TARS2: variants seen among roughly 807,000 people sequenced by gnomAD.
TARS2 encodes the protein threonyl-tRNA synthetase 2, mitochondrial.
TARS2 carries 61 observed loss-of-function variants against 94.4 expected under a neutral mutation model. The observed-to-expected ratio is 0.65, with a 90% CI of 0.53 to 0.80. The LOEUF is 0.80. Among genes scored for constraint, TARS2 ranks in the 30% least tolerant of loss-of-function variants. TARS2 has a pLI of 0.00. For synonymous variants in TARS2, 359 were observed against 353.4 expected (o/e 1.02, Z -0.18); for missense variants, 704 against 902.5 (o/e 0.78, Z 2.82).
rs187732052 is a variant in TARS2, at chr1:150,490,877, G to T, written c.512+152G>T. 271 of 1,195,932 alleles carry T rather than the reference G, an allele frequency of 2.3e-4. No individual in the cohort carries two copies. The African/African-American group carries it at 3.6e-3, about 16-fold the overall frequency. The allele number at this position is 1,195,932 out of a possible 1,614,324, so 74.1% of individuals were successfully genotyped here. On this transcript the variant is annotated intron_variant, in intron 4 of 17. Coordinates refer to ENST00000369064, the MANE Select transcript of TARS2 (RefSeq NM_025150.5). The stretch of plus-strand genomic sequence containing the variant: ...GACATTAGTATCTCCTTCTGTGCTA[G>T]TCCATGTCCCTCTTCTAACTTTGCT...
Position 150,499,365 on chromosome 1 carries a change from A to G in TARS2, c.1617+72A>G. On this transcript the variant is annotated intron_variant, in intron 13 of 17. Transcript: ENST00000369064. ...TTGTTTTAGTAAATATTTAATAGAT[A>G]CAAAGAATTTTTTTTTTTGAGACAG... 3 of 1,461,026 alleles carry G rather than the reference A, an allele frequency of 2.1e-6. No homozygotes were observed. The East Asian group carries it at 7.0e-5, about 34-fold the overall frequency. 90.5% of individuals were successfully genotyped at this position (1,461,026 alleles called of 1,614,324 possible). A position where few individuals can be genotyped will look rare whatever the true frequency, so the allele number is the denominator to read the frequency against.
intron 13 of TARS2, among the ~76,000 whole-genome samples, chr1:150,501,705 C>T (rs1277230018): frequency 7.9e-5 from 12 of 151,850 alleles, no homozygotes; most frequent in Non-Finnish European, 1.8e-4. Context: ...GTAGTCCCAG[C>T]TACTCAAGAG....
intron 7 of TARS2, among the ~76,000 whole-genome samples, chr1:150,493,782 GT>G (rs1669514165): frequency 6.6e-6 from 1 of 151,694 alleles, no homozygotes; most frequent in Non-Finnish European, 1.5e-5. Flanking sequence ...AGAAAATACT[GT>G]TCTGGACAAG....
At chr1:150,495,886 A>T (rs959446022) in intron 7 of TARS2, among the ~76,000 whole-genome samples, 15 of 150,372 alleles carry the variant, frequency 1.0e-4, no homozygotes, top group Non-Finnish European at 1.9e-4. Context: ...CACCCAGTTA[A>T]TTTTTTTGTA....
chr1:150,500,388 G>A (rs587699814), intron 13 of TARS2, among the ~76,000 whole-genome samples: 4 of 151,982 alleles, frequency 2.6e-5, no homozygotes, highest in Admixed American at 6.6e-5. Flanking sequence ...TCAGGAGTTC[G>A]AGACCAGCCT....
At chr1:150,505,771 A>G (rs1012413843) in intron 17 of TARS2, 66 bp downstream of exon 17, 1 of 1,494,816 alleles carries the variant, frequency 6.7e-7, no homozygotes, top group Non-Finnish European at 9.2e-7. Flanking sequence ...TAAGTTTACC[A>G]AGTCTGGTAA....
chr1:150,502,240 C>CT (rs1669956916), intron 13 of TARS2, among the ~76,000 whole-genome samples: 2 of 151,452 alleles, frequency 1.3e-5, no homozygotes, highest in South Asian at 4.2e-4. Context: ...GTTTTTTTCC[C>CT]CGAGACAGAC....
At chr1:150,492,166 A>T in intron 6 of TARS2, 1 of 412,310 alleles carries the variant, frequency 2.4e-6, no homozygotes, top group Non-Finnish European at 4.5e-6. Context: ...GGGTTTCACC[A>T]TATTGTCCAG....
At chr1:150,501,339 A>G (rs1570861755) in intron 13 of TARS2, among the ~76,000 whole-genome samples, 1 of 91,886 alleles carries the variant, frequency 1.1e-5, no homozygotes, top group Admixed American at 1.6e-4. Context: ...TTTTATTGAG[A>G]CTATGTCTCG....
intron 1 of TARS2, 59 bp from the exon 2 acceptor site, chr1:150,487,799 G>C: frequency 1.9e-6 from 3 of 1,571,500 alleles, no homozygotes; most frequent in Non-Finnish European, 2.6e-6. Flanking sequence ...GCCATCATCT[G>C]CAATTCTAAG....
rs587651859 is a variant in TARS2 at position 150,496,899 on chromosome 1, G to A, written c.1011G>A (p.Ala337=). The change falls in exon 9 of 18, where the codon GCG becomes GCA. Residue 337 remains alanine, a synonymous_variant. Coordinates refer to ENST00000369064, the MANE Select transcript of TARS2 (RefSeq NM_025150.5). ...RGTRVYNALV[A]FIRAEYAHRG... Reference sequence around the variant, plus strand: ...CAAGGGTGTATAATGCACTAGTGGCGTTTATCAGGGTAAGGGGACCCAGGT... The same window carrying A: ...CAAGGGTGTATAATGCACTAGTGGCATTTATCAGGGTAAGGGGACCCAGGT... 34 of 1,613,978 alleles carry A rather than the reference G, an allele frequency of 2.1e-5. No individual in the cohort carries two copies. The highest frequency in any genetic ancestry group is 1.8e-4 in the Admixed American group (11 of 59,996).
At chr1:150,504,180 T>G (rs1272806818) in intron 13 of TARS2, among the ~76,000 whole-genome samples, 155 bp from the exon 14 acceptor site, 2 of 152,046 alleles carry the variant, frequency 1.3e-5, no homozygotes, top group Non-Finnish European at 2.9e-5. Context: ...TAGAGTGAAC[T>G]GGAGGGGTAG....
intron 13 of TARS2, among the ~76,000 whole-genome samples, chr1:150,501,017 G>C (rs1007804218): frequency 2.6e-5 from 4 of 152,080 alleles, no homozygotes; most frequent in Non-Finnish European, 5.9e-5. Context: ...AAGGAAGTTT[G>C]TAGGCATGGT....
chr1:150,494,370 CAA>C (rs377287320), intron 7 of TARS2, among the ~76,000 whole-genome samples: 3,976 of 91,050 alleles, frequency 0.044, 96 homozygotes, highest in East Asian at 0.12. Context: ...GACAACATCT[CAA>C]AAAAAAAAAA....
chr1:150,487,754 G>C (rs1374088345), intron 1 of TARS2, 104 bp from the exon 2 acceptor site: 10 of 1,468,232 alleles, frequency 6.8e-6, no homozygotes, highest in Non-Finnish European at 9.3e-6. Context: ...TAAAAAGTAG[G>C]AATTCGGACG....
chr1:150,489,698 T>C (rs762375570), intron 3 of TARS2, among the ~76,000 whole-genome samples: 31 of 152,150 alleles, frequency 2.0e-4, no homozygotes, highest in Non-Finnish European at 4.1e-4. Flanking sequence ...CCCAGCACTT[T>C]GGGAGGCCGA....
intron 2 of TARS2, 151 bp from the exon 3 acceptor site, chr1:150,488,813 C>CTGGTAA: frequency 8.4e-7 from 1 of 1,188,892 alleles, no homozygotes; most frequent in Non-Finnish European, 1.2e-6. Context: ...CCTCCCCCAT[C>CTGGTAA]CTTTCCAGCC....
Position 150,497,774 on chromosome 1 carries a change from A to G in TARS2, c.1238+27A>G, listed in dbSNP as rs200114758. The stretch of plus-strand genomic sequence containing the variant: ...TAAGCTGGGAGCTAGGGTTACAATC[A>G]GGTTGCTAAATATTAAATAATAGAA... On this transcript the variant is annotated intron_variant, in intron 10 of 17. Transcript: ENST00000369064. 8.7e-6 allele frequency: 14 copies of G among 1,602,054 alleles called. No homozygotes were observed. In the East Asian group the frequency reaches 2.9e-4, roughly 34 times the overall value.
intron 11 of TARS2, 56 bp downstream of exon 11, chr1:150,498,720 T>A: frequency 6.2e-7 from 1 of 1,611,966 alleles, no homozygotes; most frequent in Non-Finnish European, 8.5e-7. Context: ...TTTCTCCCTA[T>A]GAACCTGCAA....
Sources: allele counts gnomAD v4.1 joint callset (sites outside exome capture counted in the v4.1 genomes callset), GRCh38; gene constraint gnomAD v4.1.1; transcripts MANE v1.5; gene names NCBI Gene and HGNC (gene_info 2026-07-23, HGNC 2026-07-21).